CYP2A13: variants seen among roughly 807,000 people sequenced by gnomAD.
CYP2A13 encodes the protein cytochrome P450 2A13.
CYP2A13 carries 30 observed loss-of-function variants against 39.4 expected under a neutral mutation model. That is an observed-to-expected ratio of 0.76 (90% CI 0.57 to 1.03). The LOEUF (loss-of-function observed/expected upper bound fraction) is 1.03, where lower values mean the gene tolerates loss of function less well. Among genes scored for constraint, CYP2A13 ranks in the 50% least tolerant of loss-of-function variants. The pLI is 0.00. For missense variants in CYP2A13, 731 were observed against 648.4 expected (o/e 1.13, Z -1.38); for synonymous variants, 269 against 254.7 (o/e 1.06, Z -0.54).
chr19:41,090,100 G>GCCA lies in CYP2A13; in HGVS notation c.400_402dup (p.Thr134dup), dbSNP rs57082577. 1,255 of 1,612,356 alleles carry GCCA rather than the reference G, an allele frequency of 7.8e-4. 19 individuals are homozygous for GCCA. The East Asian group carries it at 0.024, about 30-fold the overall frequency. On this transcript the variant is annotated inframe_insertion, in exon 3 of 9. Transcript: ENST00000330436. The stretch of plus-strand genomic sequence containing the variant: ...CAAGCAGCTCCGGCGCTTCTCCATC[G>GCCA]CCACCCTAAGGGGTTTTGGCGTGGG...
rs149323050 is a variant in CYP2A13 at position 41,089,988 on chromosome 19, G to C, written c.344-59G>C. On this transcript the variant is annotated intron_variant, in intron 2 of 8. Coordinates refer to ENST00000330436, the MANE Select transcript of CYP2A13 (RefSeq NM_000766.5). ...ACCCTTGGGGAGCCCCTTGGAGCTG[G>C]TCCGCTCCTGCTCCCGCCGCCCCCT... 9,279 of 1,531,144 alleles carry C rather than the reference G, an allele frequency of 6.1e-3. 34 individuals carry two copies. Among genetic ancestry groups the C allele is most frequent in the Middle Eastern group, 7.4e-3 (31 of 4,208 alleles). The allele number at this position is 1,531,144 out of a possible 1,614,324, so 94.8% of individuals were successfully genotyped here. A position where few individuals can be genotyped will look rare whatever the true frequency, so the allele number is the denominator to read the frequency against.
At chr19:41,092,848 G>A (rs1221486082) in intron 5 of CYP2A13, among the ~76,000 whole-genome samples, 1 of 152,186 alleles carries the variant, frequency 6.6e-6, no homozygotes, top group Non-Finnish European at 1.5e-5. Flanking sequence ...TCCACAGTAA[G>A]TTTCAAGATT....
chr19:41,095,186 G>T, intron 8 of CYP2A13, 86 bp downstream of exon 8: 3 of 1,611,554 alleles, frequency 1.9e-6, no homozygotes, highest in South Asian at 2.2e-5. Context: ...GGTGTAGCCT[G>T]GTATTTCTCC....
chr19:41,094,216 C>T lies in CYP2A13; in HGVS notation c.974-29C>T, dbSNP rs770200489. On this transcript the variant is annotated intron_variant, in intron 6 of 8. Coordinates refer to ENST00000330436, the MANE Select transcript of CYP2A13 (RefSeq NM_000766.5). ...TCATCCCTGCTCTAAGACCCCTAGA[C>T]ACCTAAACACATTCCCCTCCTCCCC... 2.8e-5 allele frequency: 45 copies of T among 1,612,032 alleles called. No individual in the cohort carries two copies. The South Asian group carries it at 3.0e-4, about 11-fold the overall frequency.
chr19:41,089,860 CTCTCTCTCTCTCGT>C (rs2031139388), intron 2 of CYP2A13, among the ~76,000 whole-genome samples, 173 bp from the exon 3 acceptor site: 1 of 103,894 alleles, frequency 9.6e-6, no homozygotes, highest in Non-Finnish European at 2.0e-5. Flanking sequence ...CTCTCTCTCT[CTCTCTCTCTCTCGT>C]GCTCTCGTGT....
rs763010987 is a variant in CYP2A13, at chr19:41,090,399, T to C, written c.494-5T>C. The C allele has an allele frequency of 2.2e-5, 36 of 1,613,840 alleles. No individual in the cohort carries two copies. The highest frequency in any genetic ancestry group is 2.2e-4 in the East Asian group (10 of 44,864). ...CCCAACCCCCTTCTCCCGCCACACC[T>C]GCAGGCGCCAATATCGATCCCACCT... On this transcript the variant is annotated splice_region_variant and splice_polypyrimidine_tract_variant and intron_variant, in intron 3 of 8. Coordinates refer to ENST00000330436, the MANE Select transcript of CYP2A13 (RefSeq NM_000766.5).
chr19:41,093,809 C>A (rs1291831345), intron 6 of CYP2A13, 38 bp downstream of exon 6: 1 of 1,607,718 alleles, frequency 6.2e-7, no homozygotes, highest in Admixed American at 1.7e-5. Flanking sequence ...GGGCCCCAGA[C>A]CCTCAAAACT....
At chr19:41,093,840 T>C (rs1333699139) in intron 6 of CYP2A13, 69 bp downstream of exon 6, 12 of 1,566,314 alleles carry the variant, frequency 7.7e-6, no homozygotes, top group South Asian at 2.3e-5. Flanking sequence ...TGGTGCAGTG[T>C]ACCCACCTAT....
chr19:41,096,138 G>T lies in CYP2A13; in HGVS notation c.*197G>T. 1 of 774,408 alleles carries T rather than the reference G, an allele frequency of 1.3e-6. No individual in the cohort carries two copies. Among genetic ancestry groups the T allele is most frequent in the Non-Finnish European group, 2.1e-6 (1 of 484,014 alleles). The allele number at this position is 774,408 out of a possible 1,614,324, so 48.0% of individuals were successfully genotyped here. A position where few individuals can be genotyped will look rare whatever the true frequency, so the allele number is the denominator to read the frequency against. ...TCCTTCAGAGCTGTGATGAGAGGAA[G>T]GGAAACCTTACAGTATGCTACAAAG... On this transcript the variant is annotated 3_prime_UTR_variant, in exon 9 of 9. Transcript: ENST00000330436.
chr19:41,090,023 C>T, intron 2 of CYP2A13, 24 bp from the exon 3 acceptor site: 1 of 1,608,290 alleles, frequency 6.2e-7, no homozygotes, highest in South Asian at 1.1e-5. Context: ...TGACCTCTCT[C>T]CACCCCCGCG....
intron 4 of CYP2A13, 150 bp from the exon 5 acceptor site, chr19:41,091,582 G>C (rs2031189130): frequency 8.0e-7 from 1 of 1,257,800 alleles, no homozygotes; most frequent in African/African-American, 1.5e-5. Flanking sequence ...TTAGATATAA[G>C]TTTCCATCCA....
rs2031293019 is a variant in CYP2A13, at chr19:41,095,815, C to T, written c.1359C>T (p.Phe453=). ...GLARMELFLF[F]TTIMQNFRFK... ...CCAGAATGGAGCTCTTTCTCTTCTTCACCACCATCATGCAGAACTTTCGCT... is the reference window on the plus strand; with the variant it reads ...CCAGAATGGAGCTCTTTCTCTTCTTTACCACCATCATGCAGAACTTTCGCT... Residue 453 remains phenylalanine (F), a synonymous_variant, in exon 9 of 9, where the codon TTC becomes TTT. Coordinates refer to ENST00000330436, the MANE Select transcript of CYP2A13 (RefSeq NM_000766.5). The T allele has an allele frequency of 1.2e-6, 2 of 1,614,124 alleles. No homozygotes were observed. Among genetic ancestry groups the T allele is most frequent in the Non-Finnish European group, 1.7e-6 (2 of 1,179,996 alleles).
Position 41,090,426 on chromosome 19 carries a change from C to T in CYP2A13, c.516C>T (p.Phe172=), listed in dbSNP as rs565261311. ...GTHGANIDPT[F]FLSRTVSNVI... Reference sequence around the variant, plus strand: ...CAGGCGCCAATATCGATCCCACCTTCTTCCTGAGCCGCACAGTCTCCAATG... The same window carrying T: ...CAGGCGCCAATATCGATCCCACCTTTTTCCTGAGCCGCACAGTCTCCAATG... Residue 172 remains phenylalanine, a synonymous_variant, in exon 4 of 9, where the codon TTC becomes TTT. Transcript: ENST00000330436. The T allele has an allele frequency of 1.2e-6, 2 of 1,614,174 alleles. No individual in the cohort carries two copies. The highest frequency in any genetic ancestry group is 1.3e-5 in the African/African-American group (1 of 75,034).
chr19:41,093,569 C>A, intron 5 of CYP2A13, 61 bp from the exon 6 acceptor site: 1 of 1,604,778 alleles, frequency 6.2e-7, no homozygotes, highest in South Asian at 1.1e-5. Flanking sequence ...AAAGGAAAAG[C>A]CCTAGAAGGG....
chr19:41,090,951 A>G (rs1011538471), intron 4 of CYP2A13, among the ~76,000 whole-genome samples: 2 of 152,188 alleles, frequency 1.3e-5, no homozygotes, highest in African/African-American at 4.8e-5. Flanking sequence ...GCATACCTGA[A>G]CACCTGGTGC....
chr19:41,091,060 A>G (rs1477649620), intron 4 of CYP2A13, among the ~76,000 whole-genome samples: 1 of 152,128 alleles, frequency 6.6e-6, no homozygotes. Context: ...TCACCCACTT[A>G]AATGCCTGAA....
In CYP2A13 at chr19:41,093,004, T is replaced by C. The variant is rs2031224108; in HGVS notation, c.832-626T>C. Among the ~76,000 whole-genome samples, 3 of 152,116 alleles carry C rather than the reference T, an allele frequency of 2.0e-5. No individual in the cohort carries two copies. The South Asian group carries it at 6.2e-4, about 32-fold the overall frequency. On this transcript the variant is annotated intron_variant, in intron 5 of 8. Coordinates refer to ENST00000330436, the MANE Select transcript of CYP2A13 (RefSeq NM_000766.5). ...CTTCTCTTTCCAAATATTCCTATCATTAAAAAAGTAACAGACTGGGAAACA... is the reference window on the plus strand; with the variant it reads ...CTTCTCTTTCCAAATATTCCTATCACTAAAAAAGTAACAGACTGGGAAACA...
chr19:41,094,888 T>G (rs2031267888), intron 7 of CYP2A13, 71 bp from the exon 8 acceptor site: 5 of 1,577,454 alleles, frequency 3.2e-6, no homozygotes, highest in Non-Finnish European at 4.3e-6. Context: ...TAGTTCCCCC[T>G]GCAGCCCCTG....
chr19:41,092,695 C>G (rs1242432298), intron 5 of CYP2A13, among the ~76,000 whole-genome samples: 2 of 152,158 alleles, frequency 1.3e-5, no homozygotes, highest in African/African-American at 4.8e-5. Flanking sequence ...CCGTTCATGT[C>G]CTGGTTAGCA....
Sources: gnomAD v4.1 joint callset for allele counts (sites outside exome capture counted in the v4.1 genomes callset) on GRCh38, gnomAD v4.1.1 for gene constraint, MANE v1.5 for transcripts, NCBI Gene and HGNC (gene_info 2026-07-23, HGNC 2026-07-21) for gene names.